The following SPON1 variants were observed in gnomAD, a reference collection of about 807,000 sequenced individuals.
The protein encoded by SPON1 is spondin-1.
SPON1 carries 52 observed loss-of-function variants against 111.7 expected under a neutral mutation model. The ratio of observed to expected loss-of-function variants is 0.47; its 90% CI spans 0.37 to 0.59. The LOEUF (loss-of-function observed/expected upper bound fraction) is 0.59. Among genes scored for constraint, SPON1 ranks in the 20% least tolerant of loss-of-function variants. The pLI is 0.00. For synonymous variants in SPON1, 410 were observed against 395.8 expected (o/e 1.04, Z -0.43); for missense variants, 957 against 1,068.5 (o/e 0.90, Z 1.46).
chr11:14,063,775 C>G (rs922416964), intron 3 of SPON1, among the ~76,000 whole-genome samples: 2 of 152,214 alleles, frequency 1.3e-5, no homozygotes, highest in African/African-American at 4.8e-5. Flanking sequence ...GCTGGACATA[C>G]CATCATCCTG....
chr11:14,027,119 C>G (rs1024945814), intron 2 of SPON1, among the ~76,000 whole-genome samples: 8 of 152,192 alleles, frequency 5.3e-5, no homozygotes, highest in Non-Finnish European at 7.3e-5. Context: ...CTGGACTTCT[C>G]TCTGCCGGGA....
chr11:14,264,260 T>TGGTTTTAAGCAAGA (rs1467584562), intron 15 of SPON1, among the ~76,000 whole-genome samples: 11 of 152,140 alleles, frequency 7.2e-5, no homozygotes, highest in Admixed American at 6.5e-4. Flanking sequence ...ATTCTGTAGG[T>TGGTTTTAAGCAAGA]GGTTTTAAGC....
In SPON1 at chr11:14,195,536, A is replaced by G. The variant is rs145687410; in HGVS notation, c.826-47796A>G. 5.8e-3 allele frequency among the ~76,000 whole-genome samples: 891 copies of G among 152,352 alleles called. 12 individuals carry two copies. The highest frequency in any genetic ancestry group is 0.019 in the African/African-American group (806 of 41,590). On this transcript the variant is annotated intron_variant, in intron 6 of 15. Transcript: ENST00000576479. ...GTCAAATTATGCCCATGAGCATAAT[A>G]CTTGAGACTTGAGGGTGAAATGTCA...
At position 14,263,575 on chromosome 11, in the gene SPON1, T is replaced by C. The variant is rs188346125; in HGVS notation, c.2260+600T>C. 5.2e-3 allele frequency among the ~76,000 whole-genome samples: 794 copies of C among 152,256 alleles called. 8 individuals carry two copies. Among genetic ancestry groups the C allele is most frequent in the Non-Finnish European group, 4.8e-3 (325 of 68,020 alleles). On this transcript the variant is annotated intron_variant, in intron 15 of 15. Coordinates refer to ENST00000576479, the MANE Select transcript of SPON1 (RefSeq NM_006108.4). ...CCTTGAGTTTTATTTCCCCAAATAA[T>C]ATTGATCCAAGCTGACAAATAACTA... is the stretch of plus-strand genomic sequence containing the variant.
chr11:14,173,839 C>G (rs565766027), intron 6 of SPON1, among the ~76,000 whole-genome samples: 1 of 152,106 alleles, frequency 6.6e-6, no homozygotes, highest in South Asian at 2.1e-4. Context: ...TCTGCCTGAT[C>G]GTTCTTCTAG....
chr11:14,084,513 G>A (rs1349446814), intron 5 of SPON1, among the ~76,000 whole-genome samples: 1 of 152,172 alleles, frequency 6.6e-6, no homozygotes, highest in African/African-American at 2.4e-5. Flanking sequence ...ATTCCATGGT[G>A]TATATGTGAT....
intron 6 of SPON1, among the ~76,000 whole-genome samples, chr11:14,148,654 G>A (rs1328498702): frequency 6.6e-6 from 1 of 152,140 alleles, no homozygotes; most frequent in Non-Finnish European, 1.5e-5. Context: ...TACTTCACAT[G>A]TCCAAATGCT....
intron 2 of SPON1, among the ~76,000 whole-genome samples, chr11:14,010,848 A>G (rs1306055264): frequency 6.6e-6 from 1 of 152,248 alleles, no homozygotes; most frequent in Non-Finnish European, 1.5e-5. Context: ...CGGAGCTTGA[A>G]GACATATTAC....
chr11:14,064,943 A>C (rs1554920227), intron 3 of SPON1, among the ~76,000 whole-genome samples: 1 of 152,058 alleles, frequency 6.6e-6, no homozygotes, highest in African/African-American at 2.4e-5. Flanking sequence ...CTCTTATAGA[A>C]TCTCTCCCCA....
chr11:13,984,361 A>G (rs1437821960), intron 2 of SPON1, among the ~76,000 whole-genome samples: 6 of 152,168 alleles, frequency 3.9e-5, no homozygotes, highest in African/African-American at 1.2e-4. Context: ...ACACTAGATA[A>G]TGTATAAACA....
At chr11:14,005,125 G>A (rs1273725211) in intron 2 of SPON1, among the ~76,000 whole-genome samples, 1 of 152,146 alleles carries the variant, frequency 6.6e-6, no homozygotes, top group East Asian at 1.9e-4. Flanking sequence ...AACTGTTGGT[G>A]TGATATCCAA....
In SPON1 at chr11:13,963,070, G is replaced by A. The variant is rs1404312419; in HGVS notation, c.166G>A (p.Glu56Lys). 3.2e-6 allele frequency: 5 copies of A among 1,574,416 alleles called. No homozygotes were observed. Among genetic ancestry groups the A allele is most frequent in the East Asian group, 2.4e-5 (1 of 41,560 alleles). The stretch of plus-strand genomic sequence containing the variant: ...CCTGCGCGCCCAGGGCACGCGGCGC[G>A]AGGGCTACACCGAGTTCAGCCTCCG... Reference protein sequence around the residue: ...RILRAQGTRREGYTEFSLRVE... With the variant: ...RILRAQGTRRKGYTEFSLRVE... Residue 56 changes from glutamate to lysine, a missense_variant, in exon 1 of 16, where the codon GAG becomes AAG. Physicochemically the swap from Glu to Lys is moderately conservative, Grantham distance 56. Transcript: ENST00000576479.
At chr11:13,972,314 G>A (rs1404628625) in intron 1 of SPON1, among the ~76,000 whole-genome samples, 1 of 152,158 alleles carries the variant, frequency 6.6e-6, no homozygotes, top group Non-Finnish European at 1.5e-5. Context: ...GCAATTTTCT[G>A]GAAGGCCTGC....
At chr11:14,059,428 G>A (rs1554919605) in intron 3 of SPON1, among the ~76,000 whole-genome samples, 1 of 151,992 alleles carries the variant, frequency 6.6e-6, no homozygotes, top group Non-Finnish European at 1.5e-5. Context: ...AGGAGGGAAT[G>A]GGAAACATAC....
At chr11:14,149,046 T>C (rs12808484) in intron 6 of SPON1, among the ~76,000 whole-genome samples, 59,427 of 151,720 alleles carry the variant, frequency 0.39, 11,831 homozygotes, top group East Asian at 0.54. Context: ...TACTGTAATT[T>C]CTATCATTAT....
chr11:14,152,351 T>A (rs1847798201), intron 6 of SPON1, among the ~76,000 whole-genome samples: 1 of 152,182 alleles, frequency 6.6e-6, no homozygotes, highest in African/African-American at 2.4e-5. Flanking sequence ...TATCTTCTAT[T>A]CAAAGGCAAA....
chr11:14,203,443 A>G (rs928620293), intron 6 of SPON1, among the ~76,000 whole-genome samples: 10 of 152,194 alleles, frequency 6.6e-5, no homozygotes, highest in African/African-American at 1.7e-4. Context: ...AGACATCTTC[A>G]TATTTTAGCC....
chr11:14,106,287 A>G (rs782607513), intron 5 of SPON1, among the ~76,000 whole-genome samples: 2 of 152,190 alleles, frequency 1.3e-5, no homozygotes, highest in Admixed American at 6.5e-5. Flanking sequence ...TTTCCTTTGT[A>G]TGAAAATATT....
chr11:14,109,003 T>G (rs536085614), intron 5 of SPON1, among the ~76,000 whole-genome samples: 33 of 152,316 alleles, frequency 2.2e-4, no homozygotes, highest in South Asian at 4.1e-4. Flanking sequence ...ATTGTTGAGC[T>G]GAGTCCTGGG....
Sources: gnomAD v4.1 joint callset for allele counts (sites outside exome capture counted in the v4.1 genomes callset) on GRCh38, gnomAD v4.1.1 for gene constraint, MANE v1.5 for transcripts, NCBI Gene and HGNC (gene_info 2026-07-23, HGNC 2026-07-21) for gene names.